Variants in SCYL3 observed in about 807,000 individuals in gnomAD.
The protein encoded by SCYL3 is SCY1 like pseudokinase 3, also known as protein-associating with the carboxyl-terminal domain of ezrin.
In SCYL3, 35 loss-of-function variants were observed where a neutral mutation model predicts 73.8. That is an observed-to-expected ratio of 0.47 (90% CI 0.36 to 0.63). The LOEUF is 0.63. SCYL3 is among the 20% of genes least tolerant of loss of function. The probability of loss-of-function intolerance (pLI) is 0.00; values close to 1 mark genes in which losing one functional copy is unlikely to be tolerated. For synonymous variants in SCYL3, 277 were observed against 295.2 expected (o/e 0.94, Z 0.63); for missense variants, 712 against 798.9 (o/e 0.89, Z 1.31).
chr1:169,865,199 C>T (rs906644691), intron 8 of SCYL3, among the ~76,000 whole-genome samples: 11 of 152,080 alleles, frequency 7.2e-5, no homozygotes, highest in African/African-American at 1.4e-4. Flanking sequence ...TCACTATCCC[C>T]ATAAATTAAA....
chr1:169,871,637 G>GTTA (rs1660410467), intron 5 of SCYL3, among the ~76,000 whole-genome samples: 1 of 152,188 alleles, frequency 6.6e-6, no homozygotes, highest in African/African-American at 2.4e-5. Flanking sequence ...GAAGAAGACA[G>GTTA]GAAAATGTGG....
In SCYL3 at chr1:169,872,873, C is replaced by G. The variant is rs139620743; in HGVS notation, c.522+823G>C. Among the ~76,000 whole-genome samples the G allele has an allele frequency of 3.6e-3, 555 of 152,280 alleles. 2 individuals are homozygous for G. The highest frequency in any genetic ancestry group is 6.1e-3 in the Non-Finnish European group (417 of 68,030). On this transcript the variant is annotated intron_variant, in intron 5 of 12. Coordinates refer to ENST00000367771, the MANE Select transcript of SCYL3 (RefSeq NM_020423.7). ...GGCCGTATTTACCCAATGCCTGTAC[C>G]CCCATTGTATCTAGGAAGTAACTAA...
Position 169,870,808 on chromosome 1 carries a change from G to A in SCYL3, c.523-451C>T, listed in dbSNP as rs532843950. Among the ~76,000 whole-genome samples the A allele has an allele frequency of 1.6e-4, 24 of 151,018 alleles. No individual in the cohort carries two copies. The South Asian group carries it at 2.5e-3, about 16-fold the overall frequency. On this transcript the variant is annotated intron_variant, in intron 5 of 12. Transcript: ENST00000367771. Reference sequence around the variant, plus strand: ...GACCCCCTAAATTGACTTAAAACCCGCAAATCACCGATTTTAAAAACACTA... The same window carrying A: ...GACCCCCTAAATTGACTTAAAACCCACAAATCACCGATTTTAAAAACACTA...
intron 12 of SCYL3, 182 bp downstream of exon 12, chr1:169,854,088 T>C: frequency 1.7e-6 from 1 of 596,094 alleles, no homozygotes; most frequent in Admixed American, 3.4e-5. Flanking sequence ...AAACTAAGCA[T>C]TGCTACATTT....
rs1391673576 is a variant in SCYL3, at chr1:169,873,622, G to C, written c.522+74C>G. 3 of 941,974 alleles carry C rather than the reference G, an allele frequency of 3.2e-6. No individual in the cohort carries two copies. In the Admixed American group the frequency reaches 6.4e-5, roughly 20 times the overall value. The allele number at this position is 941,974 out of a possible 1,614,324, so 58.4% of individuals were successfully genotyped here. ...AACTCAGTAAAGAAAGGAGTAAGCA[G>C]AGGAAAGTTTTTTAAAATTTCATAC... is the stretch of plus-strand genomic sequence containing the variant. On this transcript the variant is annotated intron_variant, in intron 5 of 12. Coordinates refer to ENST00000367771, the MANE Select transcript of SCYL3 (RefSeq NM_020423.7).
At chr1:169,866,169 A>G (rs1022739050) in intron 8 of SCYL3, among the ~76,000 whole-genome samples, 2 of 152,152 alleles carry the variant, frequency 1.3e-5, no homozygotes, top group East Asian at 3.8e-4. Context: ...CTCTCCTCCA[A>G]TATTCTCTAT....
At chr1:169,891,839 A>G (rs1044772616) in intron 1 of SCYL3, among the ~76,000 whole-genome samples, 3 of 152,226 alleles carry the variant, frequency 2.0e-5, no homozygotes, top group Non-Finnish European at 4.4e-5. Flanking sequence ...CCTTGTGGGA[A>G]CATTGGCCTT....
chr1:169,875,253 G>A (rs1660710947), intron 4 of SCYL3, among the ~76,000 whole-genome samples: 1 of 152,194 alleles, frequency 6.6e-6, no homozygotes, highest in African/African-American at 2.4e-5. Flanking sequence ...TCAACAGTGA[G>A]CCACCATTTC....
At chr1:169,881,188 G>A (rs1023269619) in intron 2 of SCYL3, among the ~76,000 whole-genome samples, 8 of 152,202 alleles carry the variant, frequency 5.3e-5, no homozygotes, top group African/African-American at 1.9e-4. Context: ...GAATGGTAGG[G>A]ATAGGAGGCT....
At chr1:169,878,156 TG>T (rs1660989446) in intron 3 of SCYL3, among the ~76,000 whole-genome samples, 1 of 152,214 alleles carries the variant, frequency 6.6e-6, no homozygotes, top group Non-Finnish European at 1.5e-5. Flanking sequence ...GTCTCTCAAT[TG>T]GCCCCAACTA....
chr1:169,867,911 G>GT (rs1484254774), intron 7 of SCYL3, among the ~76,000 whole-genome samples: 1 of 152,110 alleles, frequency 6.6e-6, no homozygotes, highest in Non-Finnish European at 1.5e-5. Context: ...ATAAGGGATT[G>GT]TTCTTTGTAG....
intron 4 of SCYL3, among the ~76,000 whole-genome samples, chr1:169,874,778 T>G (rs1452077261): frequency 6.6e-6 from 1 of 151,962 alleles, no homozygotes; most frequent in Non-Finnish European, 1.5e-5. Context: ...ATATAAAAAA[T>G]TAACCAGGTG....
chr1:169,867,665 C>G (rs996925406), intron 7 of SCYL3, among the ~76,000 whole-genome samples: 1 of 152,324 alleles, frequency 6.6e-6, no homozygotes, highest in East Asian at 1.9e-4. Context: ...CCTGGTTCAG[C>G]AGCAAAGATG....
intron 2 of SCYL3, among the ~76,000 whole-genome samples, chr1:169,885,793 A>G (rs1030762394): frequency 6.6e-6 from 1 of 152,186 alleles, no homozygotes; most frequent in African/African-American, 2.4e-5. Context: ...TTGGCAGATA[A>G]TTAGTTTAGA....
chr1:169,882,410 G>T (rs1251768402), intron 2 of SCYL3, among the ~76,000 whole-genome samples: 1 of 152,160 alleles, frequency 6.6e-6, no homozygotes, highest in Non-Finnish European at 1.5e-5. Context: ...CTGGGCTCCT[G>T]TGCGACCCCA....
rs142604509 is a variant in SCYL3, at chr1:169,849,717, T to C, written c.*3996A>G. 793 of 776,182 alleles carry C rather than the reference T, an allele frequency of 1.0e-3. 7 individuals carry two copies. In the African/African-American group the frequency reaches 0.012, roughly 11 times the overall value. 48.1% of individuals were successfully genotyped at this position (776,182 alleles called of 1,614,324 possible). On this transcript the variant is annotated 3_prime_UTR_variant, in exon 13 of 13. Coordinates refer to ENST00000367771, the MANE Select transcript of SCYL3 (RefSeq NM_020423.7). ...CTGCTTCTGTATTGCAATCGGAAAA[T>C]TGTCTGAAGGGTACATTACTCGTTA...
At position 169,850,104 on chromosome 1, in the gene SCYL3, T is replaced by C. The variant is rs1344485847; in HGVS notation, c.*3609A>G. The C allele has an allele frequency of 3.3e-6, 2 of 597,448 alleles. No homozygotes were observed. The highest frequency in any genetic ancestry group is 3.7e-5 in the African/African-American group (2 of 53,688). The allele number at this position is 597,448 out of a possible 1,614,324, so 37.0% of individuals were successfully genotyped here. Reference sequence around the variant, plus strand: ...TACAGAAGTTAATTTTGTATTATCCTTAGGGACCCTGAAGGAATCATGAGT... The same window carrying C: ...TACAGAAGTTAATTTTGTATTATCCCTAGGGACCCTGAAGGAATCATGAGT... On this transcript the variant is annotated 3_prime_UTR_variant, in exon 13 of 13. Coordinates refer to ENST00000367771, the MANE Select transcript of SCYL3 (RefSeq NM_020423.7).
At chr1:169,883,447 A>G (rs1661447726) in intron 2 of SCYL3, among the ~76,000 whole-genome samples, 1 of 152,222 alleles carries the variant, frequency 6.6e-6, no homozygotes, top group South Asian at 2.1e-4. Context: ...TCTACCCTAT[A>G]CAATCACTGA....
At chr1:169,875,737 A>G (rs1256993001) in intron 4 of SCYL3, among the ~76,000 whole-genome samples, 1 of 152,254 alleles carries the variant, frequency 6.6e-6, no homozygotes, top group African/African-American at 2.4e-5. Context: ...TATCTGAACG[A>G]AACATTTTAC....
Sources: allele counts gnomAD v4.1 joint callset (sites outside exome capture counted in the v4.1 genomes callset), GRCh38; gene constraint gnomAD v4.1.1; transcripts MANE v1.5; gene names NCBI Gene and HGNC (gene_info 2026-07-23, HGNC 2026-07-21).